SAFB2: variants seen among roughly 807,000 people sequenced by gnomAD.
The protein encoded by SAFB2 is scaffold attachment factor B2.
SAFB2 carries 32 observed loss-of-function variants against 100.6 expected under a neutral mutation model. That is an observed-to-expected ratio of 0.32 (90% CI 0.24 to 0.43). The LOEUF (loss-of-function observed/expected upper bound fraction) is 0.43, where lower values mean the gene tolerates loss of function less well. Ranked by LOEUF, SAFB2 falls within the 20% of genes least tolerant of loss-of-function variation. The probability of loss-of-function intolerance (pLI) is 1.00; values close to 1 mark genes in which losing one functional copy is unlikely to be tolerated. For synonymous variants in SAFB2, 500 were observed against 439.4 expected (o/e 1.14, Z -1.72); for missense variants, 1,185 against 1,163.4 (o/e 1.02, Z -0.27).
At chr19:5,591,694 A>G (rs2052408788) in intron 17 of SAFB2, 54 bp downstream of exon 17, 1 of 1,563,088 alleles carries the variant, frequency 6.4e-7, no homozygotes, top group African/African-American at 1.4e-5. Context: ...ATGGTCCGCT[A>G]TGCCTGCACA....
intron 15 of SAFB2, among the ~76,000 whole-genome samples, chr19:5,593,350 C>T (rs2052456803): frequency 6.6e-6 from 1 of 152,248 alleles, no homozygotes; most frequent in South Asian, 2.1e-4. Context: ...ATCCAATTAT[C>T]TTCTTCCTGA....
chr19:5,587,296 G>A lies in SAFB2; in HGVS notation c.2809C>T (p.Pro937Ser), dbSNP rs1178906469. ...GGGGGGGGATGAGGGTGTGGGTGAGGGACTCTGCTGCCCCGGTCCTGGCTG... is the reference window on the plus strand; with the variant it reads ...GGGGGGGGATGAGGGTGTGGGTGAGAGACTCTGCTGCCCCGGTCCTGGCTG... ...VASQDRGSRV[P>S]HPHPHPPPYP... Residue 937 changes from proline (P) to serine (S), a missense_variant, in exon 21 of 21, where the codon CCT (proline) becomes TCT (serine). By Grantham distance (74) the Pro-to-Ser change is moderately conservative. Around this residue, in one of 3 missense-constraint regions of SAFB2, gnomAD observed 740 missense variants for 687.1 expected, o/e 1.08. Transcript: ENST00000252542. The surrounding 1 kb of genome is among the most constrained non-coding windows in gnomAD (Gnocchi z 4.9). The A allele has an allele frequency of 9.9e-6, 16 of 1,612,762 alleles. No individual in the cohort carries two copies. The highest frequency in any genetic ancestry group is 1.7e-4 in the Middle Eastern group (1 of 6,036).
At chr19:5,613,593 G>C in intron 4 of SAFB2, 66 bp from the exon 5 acceptor site, 1 of 1,576,160 alleles carries the variant, frequency 6.3e-7, no homozygotes, top group Non-Finnish European at 8.7e-7. Flanking sequence ...CTGACACCTC[G>C]CTTAGGCAAC....
At chr19:5,593,066 C>G (rs2052449358) in intron 15 of SAFB2, among the ~76,000 whole-genome samples, 179 bp from the exon 16 acceptor site, 1 of 152,110 alleles carries the variant, frequency 6.6e-6, no homozygotes, top group African/African-American at 2.4e-5. Flanking sequence ...AAATTAAAAC[C>G]GCCATTAACA....
intron 9 of SAFB2, among the ~76,000 whole-genome samples, chr19:5,608,434 A>AGTAACTGAATAAACAGGTTATTC (rs2052825146): frequency 6.6e-6 from 1 of 152,222 alleles, no homozygotes; most frequent in Admixed American, 6.5e-5. Context: ...AAGTCAACAA[A>AGTAACTGAATAAACAGGTTATTC]GTAACTGAAT....
rs963277327 is a variant in SAFB2, at chr19:5,593,910, TCCGCCCGGGCCG to T, written c.2176_2187del (p.Gly728_Pro731del). 11 of 1,518,746 alleles carry T rather than the reference TCCGCCCGGGCCG, an allele frequency of 7.2e-6. No homozygotes were observed. Among genetic ancestry groups the T allele is most frequent in the Middle Eastern group, 1.9e-4 (1 of 5,218 alleles). 94.1% of individuals were successfully genotyped at this position (1,518,746 alleles called of 1,614,324 possible). On this transcript the variant is annotated inframe_deletion, in exon 15 of 21. Coordinates refer to ENST00000252542, the MANE Select transcript of SAFB2 (RefSeq NM_014649.3). ...ACTCACCGGTCCAGGTCGTAGGGCC[TCCGCCCGGGCCG>T]CCGCTCCTGCTCGTAACGCAGCTGC... is the stretch of plus-strand genomic sequence containing the variant.
At chr19:5,613,581 G>C in intron 4 of SAFB2, 54 bp from the exon 5 acceptor site, 1 of 1,590,298 alleles carries the variant, frequency 6.3e-7, no homozygotes, top group Non-Finnish European at 8.6e-7. Context: ...TGAAAACCAA[G>C]GCTGACACCT....
At chr19:5,591,858 C>T (rs2052414386) in intron 16 of SAFB2, 65 bp from the exon 17 acceptor site, 1 of 1,523,542 alleles carries the variant, frequency 6.6e-7, no homozygotes, top group Non-Finnish European at 9.1e-7. Context: ...GCAGGTCAGG[C>T]AAGTTTCGCG....
rs79378842 is a variant in SAFB2 at position 5,593,413 on chromosome 19, T to C, written c.2207+478A>G. On this transcript the variant is annotated intron_variant, in intron 15 of 20. Transcript: ENST00000252542. ...GAGCGGGGTGAAGGGTGACTGTCAA[T>C]TAAGCCGCCTGGGGTAGCTAGAGAC... Among the ~76,000 whole-genome samples, 132 of 152,292 alleles carry C rather than the reference T, an allele frequency of 8.7e-4. 3 individuals are homozygous for C. In the East Asian group the frequency reaches 0.022, roughly 25 times the overall value.
intron 2 of SAFB2, 92 bp downstream of exon 2, chr19:5,621,217 T>C (rs1289126734): frequency 5.9e-6 from 5 of 845,752 alleles, no homozygotes; most frequent in East Asian, 4.9e-5. Flanking sequence ...ACCAGAGAAA[T>C]TCTCCCAGCC....
rs549794977 is a variant in SAFB2, at chr19:5,587,080, C to T, written c.*163G>A. On this transcript the variant is annotated 3_prime_UTR_variant, in exon 21 of 21. Transcript: ENST00000252542. The surrounding 1 kb of genome is among the most constrained non-coding windows in gnomAD (Gnocchi z 4.9). ...ATTTAAAAATGGCAGAACAAGAACA[C>T]ATTTATTTAAAAAAAAAAAAAAAGT... 100 of 897,842 alleles carry T rather than the reference C, an allele frequency of 1.1e-4. 1 individual carries two copies. In the African/African-American group the frequency reaches 1.5e-3, roughly 14 times the overall value. 55.6% of individuals were successfully genotyped at this position (897,842 alleles called of 1,614,324 possible).
intron 3 of SAFB2, 34 bp from the exon 4 acceptor site, chr19:5,616,369 C>T: frequency 6.2e-7 from 1 of 1,614,082 alleles, no homozygotes; most frequent in Non-Finnish European, 8.5e-7. Flanking sequence ...TAACGACCAC[C>T]TGGACCAGGA....
chr19:5,590,117 C>T (rs2145312995), intron 18 of SAFB2, among the ~76,000 whole-genome samples, 161 bp downstream of exon 18: 1 of 152,308 alleles, frequency 6.6e-6, no homozygotes, highest in South Asian at 2.1e-4. Context: ...TCTTGAGAAC[C>T]TGGACTTTCT....
chr19:5,595,577 A>T (rs2052519647), intron 13 of SAFB2, 80 bp from the exon 14 acceptor site: 1 of 1,530,488 alleles, frequency 6.5e-7, no homozygotes, highest in African/African-American at 1.4e-5. Flanking sequence ...CGTGTGCATG[A>T]GACTAAGATT....
rs776490041 is a variant in SAFB2, at chr19:5,592,764, C to G, written c.2331G>C (p.Gln777His). ...DFDHRDRGQY[Q>H]DHAIDRREGS... ...CCACTGACCTGTCGATGGCGTGGTC[C>G]TGGTACTGGCCCCGGTCTCGATGAT... The change falls in exon 16 of 21, where the codon CAG (glutamine) becomes CAC (histidine). Residue 777 changes from glutamine (Q) to histidine (H), a missense_variant. Around this residue, in one of 3 missense-constraint regions of SAFB2, gnomAD observed 740 missense variants for 687.1 expected, o/e 1.08. Coordinates refer to ENST00000252542, the MANE Select transcript of SAFB2 (RefSeq NM_014649.3). The G allele has an allele frequency of 6.2e-7, 1 of 1,614,142 alleles. No homozygotes were observed. The highest frequency in any genetic ancestry group is 1.3e-5 in the African/African-American group (1 of 75,060).
At chr19:5,596,525 G>A (rs910748061) in intron 13 of SAFB2, among the ~76,000 whole-genome samples, 1 of 152,020 alleles carries the variant, frequency 6.6e-6, no homozygotes, top group South Asian at 2.1e-4. Context: ...TTCTATTTTT[G>A]TAGAGACAGG....
At chr19:5,606,363 T>C (rs908751256) in intron 9 of SAFB2, among the ~76,000 whole-genome samples, 2 of 152,226 alleles carry the variant, frequency 1.3e-5, no homozygotes, top group African/African-American at 4.8e-5. Context: ...CAGTGGCTCA[T>C]GCCTGTAATC....
At chr19:5,594,317 C>G in intron 14 of SAFB2, 139 bp from the exon 15 acceptor site, 1 of 1,033,350 alleles carries the variant, frequency 9.7e-7, no homozygotes, top group South Asian at 1.8e-5. Flanking sequence ...TAAAGCTGCG[C>G]GTGCAGGGGG....
intron 18 of SAFB2, 46 bp from the exon 19 acceptor site, chr19:5,588,026 G>C (rs111385893): frequency 6.5e-7 from 1 of 1,543,274 alleles, no homozygotes. Context: ...GAGCCTCCAG[G>C]GTTGTGTCGG....
Sources: gnomAD v4.1 joint callset for allele counts (sites outside exome capture counted in the v4.1 genomes callset) on GRCh38, gnomAD v4.1.1 for gene constraint, gnomAD v4.1.1 regional missense constraint, Gnocchi (gnomAD v3.1) non-coding constraint, MANE v1.5 for transcripts, NCBI Gene and HGNC (gene_info 2026-07-23, HGNC 2026-07-21) for gene names.